Variants in SAMHD1 observed in about 807,000 individuals in gnomAD.
SAMHD1 encodes deoxynucleoside triphosphate triphosphohydrolase SAMHD1.
In SAMHD1, 54 loss-of-function variants were observed where a neutral mutation model predicts 79.6. The observed-to-expected ratio is 0.68, with a 90% CI of 0.55 to 0.85. The LOEUF (loss-of-function observed/expected upper bound fraction) is 0.85. Ranked by LOEUF, SAMHD1 falls within the 40% of genes least tolerant of loss-of-function variation. The pLI, the probability that SAMHD1 is intolerant of heterozygous loss-of-function variation, is 0.00. For missense variants in SAMHD1, 663 were observed against 782.7 expected, an observed-to-expected ratio of 0.85 and a Z score of 1.82; for synonymous variants, 260 against 264.1, an observed-to-expected ratio of 0.98 and a Z score of 0.15.
chr20:36,912,529 C>T lies in SAMHD1; in HGVS notation c.1086G>A (p.Met362Ile), dbSNP rs2148365764. 1.2e-6 allele frequency: 2 copies of T among 1,612,596 alleles called. No homozygotes were observed. Among genetic ancestry groups the T allele is most frequent in the Non-Finnish European group, 1.7e-6 (2 of 1,178,880 alleles). The change falls in exon 10 of 16, where the codon ATG becomes ATA. Residue 362 changes from methionine to isoleucine, a missense_variant. Coordinates refer to ENST00000646673, the MANE Select transcript of SAMHD1 (RefSeq NM_015474.4). ...GGTGTAAAGAGTTGCGAGTGTGGAA[C>T]ATGTCATACAGATTTCCAACTTCCT... ...RDKEVGNLYDMFHTRNSLHRR... is the reference protein window; with the variant it reads ...RDKEVGNLYDIFHTRNSLHRR...
At chr20:36,915,032 T>C (rs931624624) in intron 9 of SAMHD1, among the ~76,000 whole-genome samples, 15 of 151,876 alleles carry the variant, frequency 9.9e-5, no homozygotes, top group East Asian at 7.8e-4. Flanking sequence ...AAAAAGAATA[T>C]GGTATATGAT....
chr20:36,944,816 C>A (rs553545199), intron 2 of SAMHD1, among the ~76,000 whole-genome samples: 1 of 152,208 alleles, frequency 6.6e-6, no homozygotes, highest in African/African-American at 2.4e-5. Context: ...ATCACTTGAA[C>A]CTGGGAGGTG....
intron 7 of SAMHD1, among the ~76,000 whole-genome samples, chr20:36,918,464 ATT>A (rs1239956428): frequency 1.3e-5 from 2 of 151,146 alleles, no homozygotes; most frequent in African/African-American, 4.9e-5. Flanking sequence ...AAAAAAAAAA[ATT>A]TTTTTTAATG....
At chr20:36,919,776 TC>T (rs1461548142) in intron 6 of SAMHD1, among the ~76,000 whole-genome samples, 1 of 151,958 alleles carries the variant, frequency 6.6e-6, no homozygotes, top group African/African-American at 2.4e-5. Flanking sequence ...CATTTACAGT[TC>T]CTAAATGAAT....
In SAMHD1 at chr20:36,937,318, G is replaced by T. The variant is rs958163010; in HGVS notation, c.349-2129C>A. Among the ~76,000 whole-genome samples the T allele has an allele frequency of 5.3e-4, 81 of 151,958 alleles. 1 individual carries two copies. Among genetic ancestry groups the T allele is most frequent in the African/African-American group, 1.8e-3 (76 of 41,366 alleles). On this transcript the variant is annotated intron_variant, in intron 3 of 15. Transcript: ENST00000646673. ...CATGGTGACCTTGGGTTCGGCAATG[G>T]TTTCTTAAATATGACACTAAAAGTA...
chr20:36,903,730 T>G (rs998108681), intron 13 of SAMHD1, among the ~76,000 whole-genome samples: 23 of 151,568 alleles, frequency 1.5e-4, no homozygotes, highest in Admixed American at 8.6e-4. Context: ...TTTTGTATTT[T>G]TACTAGAAAT....
intron 7 of SAMHD1, among the ~76,000 whole-genome samples, chr20:36,918,436 T>G (rs1177787031): frequency 6.6e-6 from 1 of 150,618 alleles, no homozygotes; most frequent in Non-Finnish European, 1.5e-5. Context: ...TTAGGCAACA[T>G]AGTGAGACCA....
At position 36,921,981 on chromosome 20, in the gene SAMHD1, G is replaced by A. The variant is rs1057037535; in HGVS notation, c.697-2462C>T. On this transcript the variant is annotated intron_variant, in intron 6 of 15. Coordinates refer to ENST00000646673, the MANE Select transcript of SAMHD1 (RefSeq NM_015474.4). The stretch of plus-strand genomic sequence containing the variant: ...TGGGATTACAGATGTGAGCCACTGC[G>A]TCCGATCTGGACACATCACTTTTGT... Among the ~76,000 whole-genome samples, 4 of 152,120 alleles carry A rather than the reference G, an allele frequency of 2.6e-5. No homozygotes were observed. The East Asian group carries it at 7.7e-4, about 29-fold the overall frequency.
chr20:36,892,303 G>A lies in SAMHD1; in HGVS notation c.*629C>T, dbSNP rs8124728. On this transcript the variant is annotated 3_prime_UTR_variant, in exon 16 of 16. Coordinates refer to ENST00000646673, the MANE Select transcript of SAMHD1 (RefSeq NM_015474.4). Reference sequence around the variant, plus strand: ...TAGGGGGCTAGAAGGGTGAGGGGAGGTGTCTTTCACTTATGCTTAGGTCAC... The same window carrying A: ...TAGGGGGCTAGAAGGGTGAGGGGAGATGTCTTTCACTTATGCTTAGGTCAC... 7,502 of 158,314 alleles carry A rather than the reference G, an allele frequency of 0.047. 605 individuals carry two copies. The highest frequency in any genetic ancestry group is 0.17 in the African/African-American group (7,200 of 41,508). 9.8% of individuals were successfully genotyped at this position (158,314 alleles called of 1,614,324 possible). A position where few individuals can be genotyped will look rare whatever the true frequency, so the allele number is the denominator to read the frequency against.
chr20:36,918,588 G>A (rs1164927287), intron 7 of SAMHD1, among the ~76,000 whole-genome samples: 1 of 151,774 alleles, frequency 6.6e-6, no homozygotes, highest in African/African-American at 2.4e-5. Flanking sequence ...GATCACCTGA[G>A]GTCAGGAGTT....
chr20:36,949,580 C>T (rs2063719014), intron 1 of SAMHD1, among the ~76,000 whole-genome samples: 1 of 151,128 alleles, frequency 6.6e-6, no homozygotes, highest in Admixed American at 6.6e-5. Context: ...CATGGTGAAA[C>T]CCCATCTCTA....
chr20:36,915,686 G>A (rs1242426613), intron 9 of SAMHD1, among the ~76,000 whole-genome samples: 2 of 150,888 alleles, frequency 1.3e-5, no homozygotes, highest in Non-Finnish European at 2.9e-5. Context: ...GCAGTGAGCC[G>A]AGATCATGCC....
Position 36,932,819 on chromosome 20 carries a change from A to G in SAMHD1, c.510-1944T>C, listed in dbSNP as rs2063576568. On this transcript the variant is annotated intron_variant, in intron 4 of 15. Transcript: ENST00000646673. ...TTGTAAGATGATAAGAGTTTTGGCA[A>G]TCGATTGGTTGCACAATGTGAATGC... 2.0e-5 allele frequency among the ~76,000 whole-genome samples: 3 copies of G among 152,102 alleles called. No individual in the cohort carries two copies. The South Asian group carries it at 6.2e-4, about 32-fold the overall frequency.
At chr20:36,923,001 GTATTT>G (rs1362261664) in intron 6 of SAMHD1, among the ~76,000 whole-genome samples, 2 of 151,874 alleles carry the variant, frequency 1.3e-5, no homozygotes, top group East Asian at 1.9e-4. Context: ...TAAAGAGAGA[GTATTT>G]TATTTATTTT....
rs1023760506 is a variant in SAMHD1, at chr20:36,890,406, C to CT, written c.*2525dup. ...CAAAGATATTTCTTTCTCTTTCTTT[C>CT]TTTCTTTCTTTCTTTTCTTTCTCTC... is the stretch of plus-strand genomic sequence containing the variant. On this transcript the variant is annotated 3_prime_UTR_variant, in exon 16 of 16. Coordinates refer to ENST00000646673, the MANE Select transcript of SAMHD1 (RefSeq NM_015474.4). 6.7e-6 allele frequency: 1 copy of CT among 149,222 alleles called. No individual in the cohort carries two copies. Among genetic ancestry groups the CT allele is most frequent in the African/African-American group, 2.5e-5 (1 of 40,474 alleles). The allele number at this position is 149,222 out of a possible 1,614,324, so 9.2% of individuals were successfully genotyped here.
intron 5 of SAMHD1, among the ~76,000 whole-genome samples, chr20:36,930,018 A>G (rs1601140345): frequency 6.6e-6 from 1 of 150,566 alleles, no homozygotes; most frequent in Non-Finnish European, 1.5e-5. Context: ...TGAGCCTAGG[A>G]GTTCGAGACC....
At chr20:36,939,176 T>C (rs1380429172) in intron 3 of SAMHD1, among the ~76,000 whole-genome samples, 4 of 125,658 alleles carry the variant, frequency 3.2e-5, no homozygotes, top group Admixed American at 2.9e-4. Context: ...ACTGCTTGAA[T>C]CTGGGAGGCA....
intron 12 of SAMHD1, chr20:36,905,058 T>C (rs1216043462): frequency 5.3e-6 from 2 of 375,328 alleles, no homozygotes; most frequent in East Asian, 5.8e-5. Flanking sequence ...TTTTCTCATG[T>C]CTGAATCTAG....
chr20:36,899,288 C>T lies in SAMHD1; in HGVS notation c.1504-744G>A, dbSNP rs549244826. Among the ~76,000 whole-genome samples, 4 of 149,804 alleles carry T rather than the reference C, an allele frequency of 2.7e-5. No individual in the cohort carries two copies. The South Asian group carries it at 6.3e-4, about 24-fold the overall frequency. Reference sequence around the variant, plus strand: ...AAAAAAAAAAAAAAAATTAGCCAGACGTGGTGTTGTGCACCTGTGGTTCAA... The same window carrying T: ...AAAAAAAAAAAAAAAATTAGCCAGATGTGGTGTTGTGCACCTGTGGTTCAA... On this transcript the variant is annotated intron_variant, in intron 13 of 15. Coordinates refer to ENST00000646673, the MANE Select transcript of SAMHD1 (RefSeq NM_015474.4).
Sources: allele counts gnomAD v4.1 joint callset (sites outside exome capture counted in the v4.1 genomes callset), GRCh38; gene constraint gnomAD v4.1.1; transcripts MANE v1.5; gene names NCBI Gene and HGNC (gene_info 2026-07-23, HGNC 2026-07-21).